Variants in THADA observed in about 807,000 individuals in gnomAD.
THADA encodes THADA armadillo repeat containing.
Under a neutral mutation model 219.8 loss-of-function variants are expected in THADA, and 213 were observed. The observed-to-expected ratio is 0.97, with a 90% CI of 0.87 to 1.09. The LOEUF (loss-of-function observed/expected upper bound fraction) is 1.09, where lower values mean the gene tolerates loss of function less well. Among genes scored for constraint, THADA ranks in the 50% least tolerant of loss-of-function variants. The probability of loss-of-function intolerance (pLI) is 0.00; values close to 1 mark genes in which losing one functional copy is unlikely to be tolerated. For missense variants in THADA, 2,956 were observed against 2,311.3 expected (o/e 1.28, Z -5.72); for synonymous variants, 1,018 against 828.9 (o/e 1.23, Z -3.92).
chr2:43,443,818 C>T lies in THADA; in HGVS notation c.3837-13516G>A, dbSNP rs546726960. ...ATATGCAGGCACAACTGATGAGAGG[C>T]CCTTGGGGAAACACAGAAGCTACTT... is the stretch of plus-strand genomic sequence containing the variant. On this transcript the variant is annotated intron_variant, in intron 26 of 37. Coordinates refer to ENST00000405975, the MANE Select transcript of THADA (RefSeq NM_022065.5). Among the ~76,000 whole-genome samples the T allele has an allele frequency of 2.2e-4, 34 of 152,266 alleles. No homozygotes were observed. In the South Asian group the frequency reaches 6.6e-3, roughly 30 times the overall value.
At chr2:43,451,462 A>AAGTTTC (rs1682328066) in intron 26 of THADA, among the ~76,000 whole-genome samples, 1 of 152,206 alleles carries the variant, frequency 6.6e-6, no homozygotes, top group African/African-American at 2.4e-5. Flanking sequence ...TGTTTTACTG[A>AAGTTTC]AACATGTTTA....
intron 28 of THADA, 102 bp downstream of exon 28, chr2:43,427,994 AATAT>A: frequency 2.3e-6 from 1 of 439,710 alleles, no homozygotes; most frequent in Non-Finnish European, 3.1e-6. Context: ...ATATATATAA[AATAT>A]ATATGATATA....
At chr2:43,546,290 C>G (rs1391296092) in intron 20 of THADA, among the ~76,000 whole-genome samples, 12 of 152,006 alleles carry the variant, frequency 7.9e-5, no homozygotes, top group Admixed American at 6.6e-5. Flanking sequence ...TTACTTCCCA[C>G]TACGTGGTCA....
chr2:43,464,426 A>C (rs948558467), intron 26 of THADA, among the ~76,000 whole-genome samples: 2 of 152,250 alleles, frequency 1.3e-5, no homozygotes, highest in Non-Finnish European at 2.9e-5. Flanking sequence ...TGGCATTCCT[A>C]GCCAAATAAA....
intron 22 of THADA, among the ~76,000 whole-genome samples, chr2:43,511,695 T>C (rs72865290): frequency 0.011 from 1,675 of 150,980 alleles, 27 homozygotes; most frequent in African/African-American, 0.037. Context: ...GTTTATGGTC[T>C]CCACACATAT....
At chr2:43,576,354 A>C (rs1412956818) in intron 10 of THADA, among the ~76,000 whole-genome samples, 1 of 152,190 alleles carries the variant, frequency 6.6e-6, no homozygotes, top group Non-Finnish European at 1.5e-5. Context: ...AAAAATACAA[A>C]ATACAGCCCC....
chr2:43,462,765 G>A (rs17030859), intron 26 of THADA, among the ~76,000 whole-genome samples: 13,022 of 152,102 alleles, frequency 0.086, 621 homozygotes, highest in South Asian at 0.14. Context: ...AGTGTTGAGG[G>A]AGAACTCCAA....
At chr2:43,520,713 T>TATATATATATATATACACAC (rs1218079783) in intron 22 of THADA, among the ~76,000 whole-genome samples, 1 of 125,050 alleles carries the variant, frequency 8.0e-6, no homozygotes, top group African/African-American at 3.0e-5. Flanking sequence ...TATATATATA[T>TATATATATATATATACACAC]ACACACACAC....
intron 36 of THADA, among the ~76,000 whole-genome samples, chr2:43,241,721 C>T (rs1668640107): frequency 6.6e-6 from 1 of 151,986 alleles, no homozygotes; most frequent in Admixed American, 6.5e-5. Context: ...AGAGCGGTGG[C>T]CACGCCTACA....
intron 26 of THADA, among the ~76,000 whole-genome samples, chr2:43,440,293 C>T (rs1680686774): frequency 6.6e-6 from 1 of 152,116 alleles, no homozygotes; most frequent in Non-Finnish European, 1.5e-5. Context: ...CATTTAATGG[C>T]TACAGAGTAA....
intron 7 of THADA, among the ~76,000 whole-genome samples, chr2:43,583,936 A>T (rs1163862918): frequency 7.4e-5 from 11 of 149,508 alleles, no homozygotes; most frequent in Middle Eastern, 6.8e-3. Flanking sequence ...GCTACTCCAG[A>T]GGCTGAGGTG....
At chr2:43,594,398 G>A (rs1390112498) in intron 1 of THADA, among the ~76,000 whole-genome samples, 2 of 152,018 alleles carry the variant, frequency 1.3e-5, no homozygotes, top group Admixed American at 1.3e-4. Flanking sequence ...TGGCCAACAT[G>A]GTGAAACCCC....
At chr2:43,273,566 C>T (rs757448608) in intron 36 of THADA, among the ~76,000 whole-genome samples, 17 of 152,154 alleles carry the variant, frequency 1.1e-4, no homozygotes, top group South Asian at 2.1e-4. Flanking sequence ...TCAGTACTTG[C>T]AGAGCCCTTC....
At chr2:43,247,935 T>G (rs956638343) in intron 36 of THADA, among the ~76,000 whole-genome samples, 31 of 150,674 alleles carry the variant, frequency 2.1e-4, no homozygotes, top group Non-Finnish European at 3.5e-4. Context: ...CCCTGCTACT[T>G]GGGAAGCTGA....
chr2:43,333,161 C>G (rs1450356769), intron 30 of THADA: 1 of 152,166 alleles, frequency 6.6e-6, no homozygotes, highest in African/African-American at 2.4e-5. Context: ...GCACCTTGTC[C>G]CACTGGCTTG....
intron 37 of THADA, among the ~76,000 whole-genome samples, chr2:43,231,912 T>G (rs1667469464): frequency 6.6e-6 from 1 of 152,208 alleles, no homozygotes; most frequent in South Asian, 2.1e-4. Context: ...CTGAGTCAGA[T>G]GCTGGTGGCG....
At chr2:43,477,174 T>G (rs1685650313) in intron 26 of THADA, among the ~76,000 whole-genome samples, 1 of 152,082 alleles carries the variant, frequency 6.6e-6, no homozygotes, top group Non-Finnish European at 1.5e-5. Context: ...TTCACCTGCT[T>G]TAATCAGTAT....
chr2:43,494,070 G>C (rs952931316), intron 25 of THADA, among the ~76,000 whole-genome samples: 1 of 152,206 alleles, frequency 6.6e-6, no homozygotes, highest in South Asian at 2.1e-4. Flanking sequence ...TTCAGACTCA[G>C]ATGAGATGCC....
At chr2:43,402,697 T>C (rs1283157440) in intron 28 of THADA, among the ~76,000 whole-genome samples, 1 of 152,180 alleles carries the variant, frequency 6.6e-6, no homozygotes, top group African/African-American at 2.4e-5. Flanking sequence ...AATCACTGCC[T>C]AGGCCACAAG....
Sources: allele counts gnomAD v4.1 joint callset (sites outside exome capture counted in the v4.1 genomes callset), GRCh38; gene constraint gnomAD v4.1.1; transcripts MANE v1.5; gene names NCBI Gene and HGNC (gene_info 2026-07-23, HGNC 2026-07-21).